Variants in NSD2 observed in about 807,000 individuals in gnomAD.
NSD2 encodes histone-lysine N-methyltransferase NSD2.
In NSD2, 12 loss-of-function variants were observed where a neutral mutation model predicts 139.0. That is an observed-to-expected ratio of 0.09 (90% CI 0.06 to 0.14). The LOEUF (loss-of-function observed/expected upper bound fraction) is 0.14, where lower values mean the gene tolerates loss of function less well. Among genes scored for constraint, NSD2 ranks in the 10% least tolerant of loss-of-function variants. The probability of loss-of-function intolerance (pLI) is 1.00; values close to 1 mark genes in which losing one functional copy is unlikely to be tolerated. For synonymous variants in NSD2, 669 were observed against 648.7 expected, an observed-to-expected ratio of 1.03 and a Z score of -0.48; for missense variants, 1,155 against 1,745.0, an observed-to-expected ratio of 0.66 and a Z score of 6.02.
chr4:1,872,458 A>C (rs565445783), intron 1 of NSD2, among the ~76,000 whole-genome samples: 59 of 152,342 alleles, frequency 3.9e-4, no homozygotes, highest in African/African-American at 1.3e-3. Context: ...GACCCATTGC[A>C]GCACGAATCT....
At chr4:1,918,728 G>A in intron 5 of NSD2, 105 bp downstream of exon 5, 1 of 1,443,900 alleles carries the variant, frequency 6.9e-7, no homozygotes, top group Non-Finnish European at 9.3e-7. Context: ...ACTCTAACAT[G>A]AGCCTTGCAT....
At chr4:1,885,960 C>G (rs1230963744) in intron 1 of NSD2, among the ~76,000 whole-genome samples, 1 of 152,084 alleles carries the variant, frequency 6.6e-6, no homozygotes, top group East Asian at 1.9e-4. Context: ...TTTAATAATT[C>G]TATAATCAGA....
chr4:1,957,798 A>T, intron 15 of NSD2, 135 bp from the exon 16 acceptor site: 3 of 827,346 alleles, frequency 3.6e-6, no homozygotes, highest in Non-Finnish European at 5.6e-6. Context: ...ACAGTTGTTC[A>T]TAGACTCTAG....
At chr4:1,916,105 G>T (rs1719354462) in intron 3 of NSD2, among the ~76,000 whole-genome samples, 2 of 152,120 alleles carry the variant, frequency 1.3e-5, no homozygotes, top group African/African-American at 4.8e-5. Context: ...GGTCTGAGCT[G>T]CTCTCTGAGG....
At chr4:1,950,827 A>G (rs900022937) in intron 9 of NSD2, among the ~76,000 whole-genome samples, 3 of 152,250 alleles carry the variant, frequency 2.0e-5, no homozygotes, top group African/African-American at 7.2e-5. Flanking sequence ...TTATATGCAT[A>G]TATATGCTAA....
At chr4:1,920,098 A>AT (rs946957901) in intron 5 of NSD2, among the ~76,000 whole-genome samples, 28 of 152,186 alleles carry the variant, frequency 1.8e-4, no homozygotes, top group African/African-American at 6.5e-4. Context: ...ACTGGACATG[A>AT]TTTTTTTGTC....
chr4:1,927,567 A>C (rs1011288880), intron 5 of NSD2, among the ~76,000 whole-genome samples: 2 of 151,674 alleles, frequency 1.3e-5, no homozygotes, highest in African/African-American at 2.4e-5. Context: ...AAAAATACAA[A>C]AAGTAGCCAG....
intron 16 of NSD2, among the ~76,000 whole-genome samples, chr4:1,959,020 C>G (rs1029120472): frequency 6.6e-6 from 1 of 152,302 alleles, no homozygotes; most frequent in East Asian, 1.9e-4. Context: ...CACTGCTCCT[C>G]CTGGGGTGGA....
intron 3 of NSD2, among the ~76,000 whole-genome samples, chr4:1,908,077 A>G (rs1265490229): frequency 6.6e-6 from 1 of 152,162 alleles, no homozygotes; most frequent in Non-Finnish European, 1.5e-5. Context: ...GCGTGTCCCC[A>G]GCAGGCCCCT....
At chr4:1,888,955 T>A (rs1323150397) in intron 1 of NSD2, among the ~76,000 whole-genome samples, 1 of 150,202 alleles carries the variant, frequency 6.7e-6, no homozygotes, top group East Asian at 2.0e-4. Flanking sequence ...TGGAGTGCAG[T>A]GGCATGATCT....
intron 18 of NSD2, among the ~76,000 whole-genome samples, chr4:1,965,601 C>T (rs934155843): frequency 6.6e-6 from 1 of 152,204 alleles, no homozygotes. Context: ...CTACTCATTA[C>T]ATGCAAGGTG....
chr4:1,903,372 A>G (rs1339621977), intron 2 of NSD2, among the ~76,000 whole-genome samples: 1 of 152,124 alleles, frequency 6.6e-6, no homozygotes, highest in Non-Finnish European at 1.5e-5. Flanking sequence ...CCTACCCATT[A>G]TGTTCTAGAG....
At chr4:1,878,796 G>A (rs1341650274) in intron 1 of NSD2, among the ~76,000 whole-genome samples, 1 of 152,180 alleles carries the variant, frequency 6.6e-6, no homozygotes, top group African/African-American at 2.4e-5. Context: ...ACCATTAGCA[G>A]GGCTGGAGAA....
intron 1 of NSD2, among the ~76,000 whole-genome samples, chr4:1,881,041 G>T (rs1714659015): frequency 6.6e-6 from 1 of 152,124 alleles, no homozygotes; most frequent in African/African-American, 2.4e-5. Flanking sequence ...CATCATCTAG[G>T]GTTTGTGTCA....
chr4:1,894,785 GGGGTATAC>G (rs1716029312), intron 1 of NSD2, among the ~76,000 whole-genome samples: 3 of 152,018 alleles, frequency 2.0e-5, no homozygotes, highest in Non-Finnish European at 4.4e-5. Context: ...AGGATTTTTG[GGGGTATAC>G]GTAACATAAA....
chr4:1,936,425 C>T (rs1414743883), intron 7 of NSD2, among the ~76,000 whole-genome samples: 1 of 152,070 alleles, frequency 6.6e-6, no homozygotes, highest in Non-Finnish European at 1.5e-5. Context: ...AATCCCAGCA[C>T]TTTGGGAGGC....
In NSD2 at chr4:1,912,460, T is replaced by C. The variant is rs540672481; in HGVS notation, c.761-4411T>C. Among the ~76,000 whole-genome samples, 3 of 152,312 alleles carry C rather than the reference T, an allele frequency of 2.0e-5. No individual in the cohort carries two copies. The Middle Eastern group carries it at 0.01, about 518-fold the overall frequency. ...GTAATTGCATTTTCTTGTAAAACCT[T>C]TTGTTTCCCTTGGAATTAATTACTG... On this transcript the variant is annotated intron_variant, in intron 3 of 21. Transcript: ENST00000508803.
intron 18 of NSD2, among the ~76,000 whole-genome samples, chr4:1,967,242 TGA>T (rs1466814323): frequency 6.6e-6 from 1 of 152,126 alleles, no homozygotes; most frequent in Non-Finnish European, 1.5e-5. Flanking sequence ...ATGGAAAATC[TGA>T]ATAGACTTAT....
chr4:1,952,147 C>A lies in NSD2; in HGVS notation c.2053C>A (p.Pro685Thr), dbSNP rs1724333761. Residue 685 changes from proline to threonine, a missense_variant, in exon 11 of 22, where the codon CCC becomes ACC. Pro to Thr is a conservative substitution (Grantham distance 38, BLOSUM62 -1). Transcript: ENST00000508803. ...KPGSLLLCEGPCCGAFHLACL... is the reference protein window; with the variant it reads ...KPGSLLLCEGTCCGAFHLACL... ...GGGCAGCCTCCTGCTCTGTGAAGGA[C>A]CCTGCTGCGGAGCTTTCCACCTCGC... is the stretch of plus-strand genomic sequence containing the variant. The A allele has an allele frequency of 7.4e-6, 12 of 1,614,142 alleles. No homozygotes were observed. Among genetic ancestry groups the A allele is most frequent in the Non-Finnish European group, 1.0e-5 (12 of 1,180,028 alleles).
Sources: allele counts gnomAD v4.1 joint callset (sites outside exome capture counted in the v4.1 genomes callset), GRCh38; gene constraint gnomAD v4.1.1; transcripts MANE v1.5; gene names NCBI Gene and HGNC (gene_info 2026-07-23, HGNC 2026-07-21).